FBXW11: variants seen among roughly 807,000 people sequenced by gnomAD.
FBXW11 encodes F-box/WD repeat-containing protein 11.
FBXW11 carries 19 observed loss-of-function variants against 77.6 expected under a neutral mutation model. The observed-to-expected ratio is 0.24, with a 90% CI of 0.17 to 0.36. FBXW11 has a LOEUF of 0.36. FBXW11 is among the 10% of genes least tolerant of loss of function. The probability of loss-of-function intolerance (pLI) is 1.00; values close to 1 mark genes in which losing one functional copy is unlikely to be tolerated. For missense variants in FBXW11, 334 were observed against 704.2 expected, an observed-to-expected ratio of 0.47 and a Z score of 5.95; for synonymous variants, 235 against 249.4, an observed-to-expected ratio of 0.94 and a Z score of 0.54.
At chr5:171,931,617 T>C (rs1762192055) in intron 2 of FBXW11, among the ~76,000 whole-genome samples, 1 of 152,190 alleles carries the variant, frequency 6.6e-6, no homozygotes, top group African/African-American at 2.4e-5. Context: ...GGTTTGTTGA[T>C]TACTTTCTTA....
chr5:171,966,807 C>T (rs185840894), intron 1 of FBXW11, among the ~76,000 whole-genome samples: 1 of 152,290 alleles, frequency 6.6e-6, no homozygotes, highest in Non-Finnish European at 1.5e-5. Flanking sequence ...TGTTAAATGA[C>T]ATGAAAATTA....
chr5:171,988,592 C>T (rs1345168182), intron 1 of FBXW11, among the ~76,000 whole-genome samples: 1 of 152,216 alleles, frequency 6.6e-6, no homozygotes, highest in Non-Finnish European at 1.5e-5. Context: ...CGCCTGTAAT[C>T]GTAGCACTTT....
At chr5:171,969,429 C>T (rs1013214170) in intron 1 of FBXW11, among the ~76,000 whole-genome samples, 1 of 152,182 alleles carries the variant, frequency 6.6e-6, no homozygotes, top group African/African-American at 2.4e-5. Flanking sequence ...AGTCAGACTA[C>T]ATCATATTTC....
intron 2 of FBXW11, among the ~76,000 whole-genome samples, chr5:171,921,550 T>TA (rs1761598429): frequency 6.6e-6 from 1 of 152,052 alleles, no homozygotes; most frequent in Non-Finnish European, 1.5e-5. Flanking sequence ...AGCAGAATGT[T>TA]TTAATAAAAC....
chr5:171,928,714 C>A (rs1762012824), intron 2 of FBXW11, among the ~76,000 whole-genome samples: 1 of 152,198 alleles, frequency 6.6e-6, no homozygotes, highest in African/African-American at 2.4e-5. Context: ...AAAGATGGAA[C>A]ATTTTCCCCT....
chr5:171,955,578 A>G (rs1487662295), intron 2 of FBXW11, among the ~76,000 whole-genome samples: 1 of 152,242 alleles, frequency 6.6e-6, no homozygotes, highest in Non-Finnish European at 1.5e-5. Flanking sequence ...TTAAATGAGT[A>G]CAGAGGAAGG....
At chr5:171,923,907 AC>A (rs1761736533) in intron 2 of FBXW11, among the ~76,000 whole-genome samples, 1 of 93,418 alleles carries the variant, frequency 1.1e-5, no homozygotes, top group Admixed American at 1.2e-4. Context: ...GTGAAACCCC[AC>A]CTTTTTTTTT....
intron 6 of FBXW11, 90 bp downstream of exon 6, chr5:171,898,914 G>A (rs1581169521): frequency 2.7e-6 from 2 of 729,952 alleles, no homozygotes; most frequent in Non-Finnish European, 4.3e-6. Context: ...TTAGTTCTAC[G>A]ATTTTAGACC....
chr5:171,919,477 G>GA, intron 2 of FBXW11, among the ~76,000 whole-genome samples: 1 of 152,220 alleles, frequency 6.6e-6, no homozygotes, highest in Middle Eastern at 3.4e-3. Context: ...CTTTTACAAG[G>GA]AAAAATTATG....
chr5:171,931,263 AT>A, intron 2 of FBXW11, among the ~76,000 whole-genome samples: 1 of 152,268 alleles, frequency 6.6e-6, no homozygotes, highest in Non-Finnish European at 1.5e-5. Context: ...AGTTCAAGGA[AT>A]GATACTGTCT....
At chr5:171,928,451 A>G (rs1427275268) in intron 2 of FBXW11, among the ~76,000 whole-genome samples, 1 of 152,230 alleles carries the variant, frequency 6.6e-6, no homozygotes, top group African/African-American at 2.4e-5. Context: ...TAATCTTGAA[A>G]CACAAGAATT....
chr5:171,961,874 T>G (rs1581033597), intron 1 of FBXW11, among the ~76,000 whole-genome samples: 1 of 152,368 alleles, frequency 6.6e-6, no homozygotes, highest in South Asian at 2.1e-4. Context: ...CTTGAACTCC[T>G]GACCTCAGGT....
At chr5:171,959,383 A>G (rs1165477584) in intron 1 of FBXW11, among the ~76,000 whole-genome samples, 1 of 152,214 alleles carries the variant, frequency 6.6e-6, no homozygotes, top group Non-Finnish European at 1.5e-5. Context: ...TGTGCTAGAC[A>G]GCTGAAATAG....
intron 1 of FBXW11, among the ~76,000 whole-genome samples, chr5:171,973,008 G>A (rs117965897): frequency 0.011 from 1,639 of 152,294 alleles, 16 homozygotes; most frequent in Non-Finnish European, 0.018. Flanking sequence ...CATATGCACA[G>A]AAGTACTGTG....
chr5:171,974,785 A>C (rs1764730223), intron 1 of FBXW11, among the ~76,000 whole-genome samples: 1 of 152,128 alleles, frequency 6.6e-6, no homozygotes, highest in East Asian at 1.9e-4. Flanking sequence ...GTTGGTTAAG[A>C]TCCCAAGTCT....
chr5:171,955,245 G>C (rs564592341), intron 2 of FBXW11, among the ~76,000 whole-genome samples: 1 of 152,184 alleles, frequency 6.6e-6, no homozygotes, highest in African/African-American at 2.4e-5. Context: ...CATATAGACA[G>C]GTCAATGGGC....
chr5:172,003,635 C>T (rs563241606), intron 1 of FBXW11, among the ~76,000 whole-genome samples: 1 of 152,258 alleles, frequency 6.6e-6, no homozygotes, highest in African/African-American at 2.4e-5. Flanking sequence ...ATATTCAAAG[C>T]TGAATCCTAT....
intron 2 of FBXW11, among the ~76,000 whole-genome samples, chr5:171,956,085 A>G (rs1351236532): frequency 6.6e-6 from 1 of 152,166 alleles, no homozygotes; most frequent in African/African-American, 2.4e-5. Flanking sequence ...CCCCCTCTTA[A>G]ATTTCCAGTT....
At chr5:171,893,489 A>C (rs796652456) in intron 6 of FBXW11, among the ~76,000 whole-genome samples, 55 of 150,192 alleles carry the variant, frequency 3.7e-4, no homozygotes, top group African/African-American at 1.3e-3. Context: ...AGTAGACAAC[A>C]GATCTGTCCG....
Sources: allele counts gnomAD v4.1 joint callset (sites outside exome capture counted in the v4.1 genomes callset), GRCh38; gene constraint gnomAD v4.1.1; transcripts MANE v1.5; gene names NCBI Gene and HGNC (gene_info 2026-07-23, HGNC 2026-07-21).